Variants in APBA2 observed in about 807,000 individuals in gnomAD.
The protein encoded by APBA2 is amyloid-beta A4 precursor protein-binding family A member 2.
In APBA2, 30 loss-of-function variants were observed where a neutral mutation model predicts 75.0. The ratio of observed to expected loss-of-function variants is 0.40; its 90% CI spans 0.30 to 0.54. APBA2 has a LOEUF of 0.54. Ranked by LOEUF, APBA2 falls within the 20% of genes least tolerant of loss-of-function variation. The pLI is 0.49. For synonymous variants in APBA2, 444 were observed against 409.6 expected (o/e 1.08, Z -1.01); for missense variants, 801 against 1,016.1 (o/e 0.79, Z 2.88).
intron 6 of APBA2, among the ~76,000 whole-genome samples, chr15:29,084,109 A>C (rs897367069): frequency 2.0e-5 from 3 of 152,222 alleles, no homozygotes; most frequent in African/African-American, 7.2e-5. Flanking sequence ...AAAGAAAGCT[A>C]TCGATTTTTA....
At chr15:29,075,989 C>G in intron 5 of APBA2, 66 bp from the exon 6 acceptor site, 2 of 1,454,050 alleles carry the variant, frequency 1.4e-6, no homozygotes, top group East Asian at 2.3e-5. Context: ...CCCTGCTTAG[C>G]CTTCACCTTG....
intron 3 of APBA2, among the ~76,000 whole-genome samples, chr15:29,012,322 C>T (rs2039441841): frequency 6.6e-6 from 1 of 152,120 alleles, no homozygotes; most frequent in Admixed American, 6.6e-5. Context: ...GAGTAGTGGT[C>T]AGGTATTCTA....
intron 2 of APBA2, among the ~76,000 whole-genome samples, chr15:28,943,627 G>A (rs947218937): frequency 7.2e-5 from 11 of 152,156 alleles, no homozygotes; most frequent in South Asian, 4.1e-4. Flanking sequence ...TCTGAGTGGC[G>A]GGAAGCTTTT....
At chr15:29,065,258 G>C (rs779665259) in intron 4 of APBA2, among the ~76,000 whole-genome samples, 3 of 152,132 alleles carry the variant, frequency 2.0e-5, no homozygotes, top group Non-Finnish European at 4.4e-5. Flanking sequence ...CAGTTAGTCT[G>C]TGACATTCCC....
chr15:29,025,494 G>A (rs964072668), intron 3 of APBA2, among the ~76,000 whole-genome samples: 2 of 146,380 alleles, frequency 1.4e-5, no homozygotes, highest in Non-Finnish European at 3.0e-5. Context: ...GTCTCGATTC[G>A]ATCTCTTGAC....
chr15:28,909,336 C>T (rs886148105), intron 1 of APBA2, among the ~76,000 whole-genome samples: 4 of 152,170 alleles, frequency 2.6e-5, no homozygotes, highest in African/African-American at 9.7e-5. Flanking sequence ...ATTCCAGGTG[C>T]CGCATGTGAG....
intron 3 of APBA2, among the ~76,000 whole-genome samples, chr15:29,027,702 C>T (rs1309553613): frequency 2.0e-5 from 3 of 151,760 alleles, no homozygotes; most frequent in Non-Finnish European, 4.4e-5. Flanking sequence ...TCCCGGGTTC[C>T]CGCATTCTCC....
Position 28,967,170 on chromosome 15 carries a change from C to CT in APBA2, c.-94-28575dup, listed in dbSNP as rs1368114620. ...GAATATCTTAATTTCTCCTTCATTTCTTTTTTTTGATAGCAAATTTATTGA... is the reference window on the plus strand; with the variant it reads ...GAATATCTTAATTTCTCCTTCATTTCTTTTTTTTTGATAGCAAATTTATTGA... On this transcript the variant is annotated intron_variant, in intron 2 of 14. Transcript: ENST00000683413. 6.6e-5 allele frequency among the ~76,000 whole-genome samples: 10 copies of CT among 151,984 alleles called. No individual in the cohort carries two copies. The South Asian group carries it at 1.5e-3, about 22-fold the overall frequency.
intron 2 of APBA2, among the ~76,000 whole-genome samples, chr15:28,927,909 C>A (rs1384617827): frequency 6.6e-6 from 1 of 150,968 alleles, no homozygotes; most frequent in Non-Finnish European, 1.5e-5. Context: ...TTTGGGAGGC[C>A]GAGGCGGGCG....
chr15:29,096,876 C>T (rs564334427), intron 8 of APBA2, among the ~76,000 whole-genome samples: 5 of 152,344 alleles, frequency 3.3e-5, no homozygotes, highest in Non-Finnish European at 7.3e-5. Context: ...TCATTGCCAC[C>T]GTGCAGTGGT....
chr15:29,004,805 G>A (rs1426814113), intron 3 of APBA2, among the ~76,000 whole-genome samples: 3 of 152,004 alleles, frequency 2.0e-5, no homozygotes, highest in African/African-American at 4.8e-5. Context: ...TCAGCCTCCC[G>A]AGTAGCTGGG....
chr15:28,986,642 T>C lies in APBA2; in HGVS notation c.-94-9111T>C, dbSNP rs1173529135. Among the ~76,000 whole-genome samples, 5 of 152,138 alleles carry C rather than the reference T, an allele frequency of 3.3e-5. No individual in the cohort carries two copies. In the East Asian group the frequency reaches 9.6e-4, roughly 29 times the overall value. Reference sequence around the variant, plus strand: ...CCACCACGCCTGGCTAATTTTTGTATTTTTAGTAGAGACGGGGTTTCACCA... The same window carrying C: ...CCACCACGCCTGGCTAATTTTTGTACTTTTAGTAGAGACGGGGTTTCACCA... On this transcript the variant is annotated intron_variant, in intron 2 of 14. Transcript: ENST00000683413.
At chr15:28,994,817 C>G (rs2038424134) in intron 2 of APBA2, among the ~76,000 whole-genome samples, 1 of 152,170 alleles carries the variant, frequency 6.6e-6, no homozygotes. Flanking sequence ...GAATGGGGCT[C>G]TTCCCTACGA....
At chr15:28,930,626 C>T (rs1300951176) in intron 2 of APBA2, among the ~76,000 whole-genome samples, 1 of 152,026 alleles carries the variant, frequency 6.6e-6, no homozygotes, top group African/African-American at 2.4e-5. Context: ...GGGAGTGTTC[C>T]GAGGGATGGA....
At chr15:28,952,736 T>C (rs1444954503) in intron 2 of APBA2, among the ~76,000 whole-genome samples, 2 of 152,234 alleles carry the variant, frequency 1.3e-5, no homozygotes, top group African/African-American at 4.8e-5. Context: ...TTTCAAACTT[T>C]GTAGAAATGA....
At chr15:29,060,543 C>T (rs926314348) in intron 4 of APBA2, among the ~76,000 whole-genome samples, 1 of 152,140 alleles carries the variant, frequency 6.6e-6, no homozygotes, top group Non-Finnish European at 1.5e-5. Context: ...GTCTCTTCTC[C>T]TCTGTTGTCT....
At chr15:28,983,195 C>T (rs1316911345) in intron 2 of APBA2, among the ~76,000 whole-genome samples, 1 of 152,202 alleles carries the variant, frequency 6.6e-6, no homozygotes, top group East Asian at 1.9e-4. Flanking sequence ...TTTCCCTCAA[C>T]ACCTGCAGCC....
At position 29,089,273 on chromosome 15, in the gene APBA2, A is replaced by G. The variant is rs554479886; in HGVS notation, c.1070-3802A>G. On this transcript the variant is annotated intron_variant, in intron 6 of 14. Coordinates refer to ENST00000683413, the MANE Select transcript of APBA2 (RefSeq NM_001353788.2). ...GGGCAAAGCCACGTGACCCACTTAGATGGTCCTTATTTGTAAAATTGGGAC... is the reference window on the plus strand; with the variant it reads ...GGGCAAAGCCACGTGACCCACTTAGGTGGTCCTTATTTGTAAAATTGGGAC... 1.5e-4 allele frequency among the ~76,000 whole-genome samples: 23 copies of G among 152,334 alleles called. No individual in the cohort carries two copies. In the South Asian group the frequency reaches 1.7e-3, roughly 11 times the overall value.
intron 3 of APBA2, among the ~76,000 whole-genome samples, chr15:29,017,211 A>T (rs2039706523): frequency 6.6e-6 from 1 of 151,990 alleles, no homozygotes; most frequent in East Asian, 1.9e-4. Flanking sequence ...GGCCAGATGC[A>T]CCCGGAGCTT....
Sources: gnomAD v4.1 joint callset for allele counts (sites outside exome capture counted in the v4.1 genomes callset) on GRCh38, gnomAD v4.1.1 for gene constraint, MANE v1.5 for transcripts, NCBI Gene and HGNC (gene_info 2026-07-23, HGNC 2026-07-21) for gene names.